Variants in ASTN2 observed in about 807,000 individuals in gnomAD.
ASTN2 encodes astrotactin 2.
Under a neutral mutation model 139.8 loss-of-function variants are expected in ASTN2, and 54 were observed. The ratio of observed to expected loss-of-function variants is 0.39; its 90% CI spans 0.31 to 0.48. The LOEUF (loss-of-function observed/expected upper bound fraction) is 0.48, where lower values mean the gene tolerates loss of function less well. ASTN2 is among the 20% of genes least tolerant of loss of function. The pLI is 0.95. For missense variants in ASTN2, 1,565 were observed against 1,725.1 expected, an observed-to-expected ratio of 0.91 and a Z score of 1.64; for synonymous variants, 756 against 719.5, an observed-to-expected ratio of 1.05 and a Z score of -0.81.
chr9:116,571,290 C>T (rs59299461), intron 19 of ASTN2, among the ~76,000 whole-genome samples: 13 of 152,072 alleles, frequency 8.5e-5, no homozygotes, highest in Non-Finnish European at 1.5e-4. Flanking sequence ...CTATCATGAC[C>T]GAGGCAGAGA....
chr9:116,885,438 G>T (rs1181901918), intron 10 of ASTN2, among the ~76,000 whole-genome samples: 1 of 152,198 alleles, frequency 6.6e-6, no homozygotes, highest in East Asian at 1.9e-4. Flanking sequence ...AGCTGAGGTG[G>T]GTGGATCACC....
intron 10 of ASTN2, among the ~76,000 whole-genome samples, chr9:116,916,895 C>T (rs1241388140): frequency 6.6e-6 from 1 of 152,084 alleles, no homozygotes; most frequent in African/African-American, 2.4e-5. Context: ...CCCTTTCTCA[C>T]TTCTATCCCC....
At chr9:117,202,618 G>A (rs777275028) in intron 3 of ASTN2, among the ~76,000 whole-genome samples, 5 of 152,162 alleles carry the variant, frequency 3.3e-5, no homozygotes, top group Non-Finnish European at 5.9e-5. Context: ...GGCTAGATAT[G>A]AAATTCTGGG....
intron 1 of ASTN2, among the ~76,000 whole-genome samples, chr9:117,407,911 C>G (rs1831043204): frequency 6.6e-6 from 1 of 152,104 alleles, no homozygotes; most frequent in African/African-American, 2.4e-5. Context: ...GGAAAGGAAG[C>G]CTCCTCTAAT....
chr9:117,048,409 C>A (rs1350485971), intron 5 of ASTN2, among the ~76,000 whole-genome samples: 1 of 152,200 alleles, frequency 6.6e-6, no homozygotes, highest in African/African-American at 2.4e-5. Flanking sequence ...CTACTTGGAG[C>A]CAAATGATTA....
At chr9:117,059,845 G>C (rs1443642665) in intron 5 of ASTN2, among the ~76,000 whole-genome samples, 1 of 152,076 alleles carries the variant, frequency 6.6e-6, no homozygotes, top group African/African-American at 2.4e-5. Context: ...GGCCAAACTG[G>C]GCATTGGAGA....
chr9:116,585,021 T>C (rs545233341), intron 19 of ASTN2: 17 of 152,256 alleles, frequency 1.1e-4, no homozygotes, highest in African/African-American at 4.1e-4. Context: ...GCTGAAAGGG[T>C]CAAGAAGCCT....
At chr9:116,749,816 T>A (rs780298903) in intron 13 of ASTN2, among the ~76,000 whole-genome samples, 1 of 152,182 alleles carries the variant, frequency 6.6e-6, no homozygotes, top group Non-Finnish European at 1.5e-5. Flanking sequence ...CCTGGTTGTT[T>A]AAGCGAGTGT....
At position 116,708,758 on chromosome 9, in the gene ASTN2, G is replaced by A. The variant is rs949390161; in HGVS notation, c.2806+17013C>T. On this transcript the variant is annotated intron_variant, in intron 16 of 22. Coordinates refer to ENST00000313400, the MANE Select transcript of ASTN2 (RefSeq NM_001365068.1). Reference sequence around the variant, plus strand: ...AACAGCATTCGCAATTTTTTTAAAAGCCCAATATGTTTTAGTCTATTTTGA... The same window carrying A: ...AACAGCATTCGCAATTTTTTTAAAAACCCAATATGTTTTAGTCTATTTTGA... Among the ~76,000 whole-genome samples the A allele has an allele frequency of 7.2e-5, 11 of 152,312 alleles. No homozygotes were observed. In the South Asian group the frequency reaches 1.9e-3, roughly 26 times the overall value.
chr9:117,375,507 TTTTG>T (rs1430608681), intron 1 of ASTN2, among the ~76,000 whole-genome samples: 5 of 152,326 alleles, frequency 3.3e-5, no homozygotes, highest in East Asian at 3.9e-4. Flanking sequence ...GTGCCAGGAA[TTTTG>T]TTTAACACAT....
chr9:116,581,318 A>G (rs1339801738), intron 19 of ASTN2, among the ~76,000 whole-genome samples: 1 of 152,014 alleles, frequency 6.6e-6, no homozygotes, highest in African/African-American at 2.4e-5. Flanking sequence ...GCCATTTACC[A>G]CCACCATGAC....
At chr9:116,454,682 A>G (rs1848274103) in intron 20 of ASTN2, among the ~76,000 whole-genome samples, 1 of 152,242 alleles carries the variant, frequency 6.6e-6, no homozygotes, top group African/African-American at 2.4e-5. Context: ...AATGTGGCAC[A>G]TATATACCAT....
intron 19 of ASTN2, among the ~76,000 whole-genome samples, chr9:116,500,280 C>T (rs1198001658): frequency 2.6e-5 from 4 of 152,168 alleles, no homozygotes; most frequent in African/African-American, 9.7e-5. Flanking sequence ...TTAAGCTTCA[C>T]AAGTGCATGA....
At chr9:117,013,491 T>A (rs1002664649) in intron 6 of ASTN2, among the ~76,000 whole-genome samples, 28 of 99,792 alleles carry the variant, frequency 2.8e-4, no homozygotes, top group African/African-American at 1.1e-3. Context: ...TATATATTTT[T>A]TTTTTTCTCC....
At chr9:117,023,213 C>T (rs950928885) in intron 6 of ASTN2, among the ~76,000 whole-genome samples, 6 of 152,098 alleles carry the variant, frequency 3.9e-5, no homozygotes, top group Admixed American at 1.3e-4. Context: ...TACTTTCCTC[C>T]GTGTCCTTGT....
intron 10 of ASTN2, among the ~76,000 whole-genome samples, chr9:116,892,147 G>A (rs1457385305): frequency 1.3e-5 from 2 of 152,064 alleles, no homozygotes; most frequent in Admixed American, 1.3e-4. Flanking sequence ...TAGTAATAGT[G>A]ATATCTATAT....
chr9:116,437,245 T>C (rs994245676), intron 22 of ASTN2: 21 of 466,958 alleles, frequency 4.5e-5, no homozygotes, highest in African/African-American at 3.4e-4. Context: ...TATCATGTTA[T>C]AGGTGAGGAG....
chr9:117,363,240 C>G (rs1338558142), intron 1 of ASTN2, among the ~76,000 whole-genome samples: 1 of 152,176 alleles, frequency 6.6e-6, no homozygotes, highest in African/African-American at 2.4e-5. Flanking sequence ...CATGAAGCAT[C>G]TGTTAATCAC....
intron 13 of ASTN2, among the ~76,000 whole-genome samples, chr9:116,762,393 G>A (rs1829696590): frequency 6.6e-6 from 1 of 152,106 alleles, no homozygotes; most frequent in Non-Finnish European, 1.5e-5. Context: ...GAACTAATTT[G>A]GATAATTGAC....
Sources: allele counts gnomAD v4.1 joint callset (sites outside exome capture counted in the v4.1 genomes callset), GRCh38; gene constraint gnomAD v4.1.1; transcripts MANE v1.5; gene names NCBI Gene and HGNC (gene_info 2026-07-23, HGNC 2026-07-21).